The following TENM3 variants were observed in gnomAD, a reference collection of about 807,000 sequenced individuals.
TENM3 encodes teneurin transmembrane protein 3.
Under a neutral mutation model 255.1 loss-of-function variants are expected in TENM3, and 63 were observed. The ratio of observed to expected loss-of-function variants is 0.25; its 90% CI spans 0.20 to 0.30. The LOEUF (loss-of-function observed/expected upper bound fraction) is 0.30, where lower values mean the gene tolerates loss of function less well. Among genes scored for constraint, TENM3 ranks in the 10% least tolerant of loss-of-function variants. The pLI is 1.00. For missense variants in TENM3, 2,929 were observed against 3,461.1 expected (o/e 0.85, Z 3.86); for synonymous variants, 1,306 against 1,322.3 (o/e 0.99, Z 0.27).
At chr4:182,161,817 A>ATATATATACACATATATATG (rs1751304079) in intron 1 of TENM3, among the ~76,000 whole-genome samples, 1 of 29,094 alleles carries the variant, frequency 3.4e-5, no homozygotes, top group Non-Finnish European at 6.2e-5. Context: ...ATATATATGT[A>ATATATATACACATATATATG]TATATATACA....
At chr4:181,553,887 G>A in the TENM3 span, among the ~76,000 whole-genome samples, 3 of 151,710 alleles carry the variant, frequency 2.0e-5, no homozygotes, top group African/African-American at 7.3e-5. Context: ...GGCTCTTAGC[G>A]CTGCCCAGCA....
chr4:181,653,005 T>C, the TENM3 span, among the ~76,000 whole-genome samples: 1 of 152,236 alleles, frequency 6.6e-6, no homozygotes, highest in Non-Finnish European at 1.5e-5. Context: ...TGAAATGATT[T>C]AGCATACAGC....
chr4:182,209,827 A>G (rs941084264), intron 1 of TENM3, among the ~76,000 whole-genome samples: 15 of 152,118 alleles, frequency 9.9e-5, no homozygotes, highest in African/African-American at 3.6e-4. Context: ...AATTCTCAAG[A>G]GAATGAGATC....
the TENM3 span, among the ~76,000 whole-genome samples, chr4:181,614,585 T>G: frequency 2.6e-5 from 4 of 152,172 alleles, no homozygotes; most frequent in African/African-American, 9.7e-5. Flanking sequence ...CTCCGCAGAT[T>G]TAACACAGTC....
intron 1 of TENM3, among the ~76,000 whole-genome samples, chr4:182,279,756 T>C (rs1760251777): frequency 6.6e-6 from 1 of 152,326 alleles, no homozygotes; most frequent in Non-Finnish European, 1.5e-5. Flanking sequence ...AGTCATTTTC[T>C]CCATATGCTT....
the TENM3 span, among the ~76,000 whole-genome samples, chr4:182,075,166 T>C: frequency 6.6e-6 from 1 of 151,874 alleles, no homozygotes; most frequent in African/African-American, 2.4e-5. Context: ...GAAATCTAGA[T>C]TTGTATGTAA....
chr4:181,903,754 G>C, the TENM3 span, among the ~76,000 whole-genome samples: 1 of 152,106 alleles, frequency 6.6e-6, no homozygotes, highest in East Asian at 1.9e-4. Flanking sequence ...GCAACCTGGG[G>C]CCCTGAGGAG....
intron 19 of TENM3, among the ~76,000 whole-genome samples, chr4:182,749,007 A>G (rs186429997): frequency 2.6e-5 from 4 of 152,316 alleles, no homozygotes; most frequent in Admixed American, 1.3e-4. Context: ...CCACTAGGAT[A>G]AAACTGATGA....
At chr4:181,471,204 G>A in the TENM3 span, among the ~76,000 whole-genome samples, 3 of 152,042 alleles carry the variant, frequency 2.0e-5, no homozygotes, top group Non-Finnish European at 2.9e-5. Flanking sequence ...AAAAAGAGGG[G>A]AAAAGTAGAG....
the TENM3 span, among the ~76,000 whole-genome samples, chr4:181,936,059 A>T: frequency 6.6e-6 from 1 of 152,156 alleles, no homozygotes; most frequent in Non-Finnish European, 1.5e-5. Context: ...TTACGGGATT[A>T]ATGAATGTTG....
At chr4:182,360,189 T>C (rs1319651221) in intron 3 of TENM3, among the ~76,000 whole-genome samples, 1 of 135,126 alleles carries the variant, frequency 7.4e-6, no homozygotes, top group African/African-American at 2.8e-5. Flanking sequence ...GAAAAAAATG[T>C]ATATTCTGTT....
the TENM3 span, among the ~76,000 whole-genome samples, chr4:182,107,878 G>T: frequency 0.066 from 9,978 of 152,082 alleles, 1,068 homozygotes; most frequent in African/African-American, 0.22. Context: ...ATATTTAAAT[G>T]GTTACTTTAC....
At chr4:182,544,112 G>C (rs1474085955) in intron 3 of TENM3, among the ~76,000 whole-genome samples, 1 of 152,064 alleles carries the variant, frequency 6.6e-6, no homozygotes, top group Non-Finnish European at 1.5e-5. Flanking sequence ...TCAGTTTATA[G>C]TTCAATAAGT....
At chr4:181,637,649 C>A in the TENM3 span, among the ~76,000 whole-genome samples, 1 of 152,228 alleles carries the variant, frequency 6.6e-6, no homozygotes, top group Admixed American at 6.5e-5. Flanking sequence ...GGCCCTGCCT[C>A]CTCCTACAAT....
intron 12 of TENM3, among the ~76,000 whole-genome samples, chr4:182,691,492 A>G (rs922539571): frequency 2.0e-5 from 3 of 152,238 alleles, no homozygotes; most frequent in Admixed American, 2.0e-4. Flanking sequence ...AACCATAGGC[A>G]TTTTGATAGT....
At chr4:181,714,576 C>G in the TENM3 span, among the ~76,000 whole-genome samples, 1 of 152,304 alleles carries the variant, frequency 6.6e-6, no homozygotes, top group East Asian at 1.9e-4. Flanking sequence ...AGAAGCCAAC[C>G]TTGTGTCTGT....
chr4:181,844,387 A>T, the TENM3 span, among the ~76,000 whole-genome samples: 1 of 152,154 alleles, frequency 6.6e-6, no homozygotes, highest in East Asian at 1.9e-4. Flanking sequence ...ATTTCTCCTT[A>T]TAAAGTTGAA....
chr4:182,184,146 C>T (rs1753007066), intron 1 of TENM3, among the ~76,000 whole-genome samples: 1 of 152,082 alleles, frequency 6.6e-6, no homozygotes, highest in African/African-American at 2.4e-5. Context: ...ATAGGTTAGA[C>T]AAGCAGAGAT....
chr4:181,555,111 G>A, the TENM3 span, among the ~76,000 whole-genome samples: 8 of 152,270 alleles, frequency 5.3e-5, no homozygotes, highest in South Asian at 1.7e-3. Flanking sequence ...ACAATAATGA[G>A]TGCTAACATT....
Sources: allele counts gnomAD v4.1 joint callset (sites outside exome capture counted in the v4.1 genomes callset), GRCh38; gene constraint gnomAD v4.1.1; transcripts MANE v1.5; gene names NCBI Gene and HGNC (gene_info 2026-07-23, HGNC 2026-07-21).